Variants in CAPS2 observed in about 807,000 individuals in gnomAD.
CAPS2 encodes calcyphosine 2.
In CAPS2, 98 loss-of-function variants were observed where a neutral mutation model predicts 86.5. That is an observed-to-expected ratio of 1.13 (90% CI 0.96 to 1.34). The LOEUF (loss-of-function observed/expected upper bound fraction) is 1.34, where lower values mean the gene tolerates loss of function less well. Ranked by LOEUF, CAPS2 falls within the 40% of genes most tolerant of loss-of-function variation. The probability of loss-of-function intolerance (pLI) is 0.00; values close to 1 mark genes in which losing one functional copy is unlikely to be tolerated. For synonymous variants in CAPS2, 210 were observed against 225.1 expected (o/e 0.93, Z 0.60); for missense variants, 729 against 686.8 (o/e 1.06, Z -0.69).
At chr12:75,284,654 AATAC>A (rs1342291996) in intron 15 of CAPS2, among the ~76,000 whole-genome samples, 20 of 152,106 alleles carry the variant, frequency 1.3e-4, no homozygotes. Context: ...AATATTTTAT[AATAC>A]ATATATTCAC....
intron 1 of CAPS2, among the ~76,000 whole-genome samples, chr12:75,381,688 C>T (rs564025184): frequency 8.0e-5 from 12 of 150,672 alleles, no homozygotes; most frequent in Non-Finnish European, 1.5e-4. Flanking sequence ...AATCTCGGCC[C>T]GCTGCAACCT....
intron 1 of CAPS2, among the ~76,000 whole-genome samples, chr12:75,337,068 AAC>A (rs532647878): frequency 8.9e-4 from 135 of 151,948 alleles, no homozygotes; most frequent in South Asian, 2.3e-3. Flanking sequence ...TGTTAATGGA[AAC>A]ACAGCATATC....
chr12:75,385,087 C>T (rs1391814796), intron 1 of CAPS2, among the ~76,000 whole-genome samples: 2 of 152,180 alleles, frequency 1.3e-5, no homozygotes, highest in Non-Finnish European at 2.9e-5. Context: ...AACCTTCTTG[C>T]CATATGATGC....
intron 5 of CAPS2, among the ~76,000 whole-genome samples, chr12:75,319,321 T>C (rs571240195): frequency 1.3e-5 from 2 of 152,244 alleles, no homozygotes; most frequent in East Asian, 3.9e-4. Flanking sequence ...AATAGATCAG[T>C]GTTGTCCCCT....
chr12:75,278,757 A>G, exon 17 of CAPS2: 2 of 1,332,446 alleles, frequency 1.5e-6, no homozygotes, highest in East Asian at 5.7e-5. Flanking sequence ...ACAAAACAAA[A>G]CAAAACAAAC....
intron 7 of CAPS2, chr12:75,305,638 G>C (rs1350817308): frequency 4.8e-6 from 3 of 627,690 alleles, no homozygotes; most frequent in Non-Finnish European, 9.1e-6. Flanking sequence ...AGCAGGCCGC[G>C]GAGAAGGGCG....
chr12:75,368,128 A>G (rs2044112076), intron 1 of CAPS2, among the ~76,000 whole-genome samples: 1 of 152,054 alleles, frequency 6.6e-6, no homozygotes, highest in African/African-American at 2.4e-5. Flanking sequence ...TAAAATTTCA[A>G]AAGGTAGCAG....
chr12:75,299,080 T>C (rs905384058), intron 9 of CAPS2, 114 bp from the exon 10 acceptor site: 94 of 629,998 alleles, frequency 1.5e-4, no homozygotes, highest in Non-Finnish European at 2.0e-4. Context: ...TATGTGGCAA[T>C]GAGTGAAGGT....
At chr12:75,305,966 G>A in intron 7 of CAPS2, 3 of 1,291,516 alleles carry the variant, frequency 2.3e-6, no homozygotes, top group Non-Finnish European at 3.3e-6. Flanking sequence ...GGACAGGGTG[G>A]CTCTGAGCAA....
chr12:75,309,789 C>T (rs10735987), intron 7 of CAPS2, among the ~76,000 whole-genome samples: 147,065 of 152,284 alleles, frequency 0.97, 71,107 homozygotes, highest in East Asian at 1. Context: ...ATTTTTTAAA[C>T]CCCCAAATGA....
intron 11 of CAPS2, 128 bp downstream of exon 11, chr12:75,298,559 A>T (rs2037281972): frequency 1.5e-6 from 1 of 657,200 alleles, no homozygotes; most frequent in African/African-American, 1.8e-5. Flanking sequence ...AGCCCACACA[A>T]ATGACCCTGT....
At chr12:75,320,246 T>C (rs1020925214) in intron 5 of CAPS2, among the ~76,000 whole-genome samples, 6 of 152,078 alleles carry the variant, frequency 3.9e-5, no homozygotes, top group Non-Finnish European at 7.4e-5. Flanking sequence ...CTCATTTGAA[T>C]TTGCATTCAA....
At chr12:75,381,716 G>A (rs1566040768) in intron 1 of CAPS2, among the ~76,000 whole-genome samples, 2 of 148,970 alleles carry the variant, frequency 1.3e-5, no homozygotes, top group Non-Finnish European at 3.0e-5. Flanking sequence ...CCAGGTTCAA[G>A]CGATTCTCCT....
intron 8 of CAPS2, among the ~76,000 whole-genome samples, chr12:75,302,944 C>T (rs1385533236): frequency 6.6e-6 from 1 of 152,108 alleles, no homozygotes; most frequent in African/African-American, 2.4e-5. Context: ...TTTCAGCAAC[C>T]AGTTGGGAAA....
At chr12:75,277,082 A>C (rs2033059628), downstream of CAPS2, 1 of 978,616 alleles carries the variant, frequency 1.0e-6, no homozygotes, top group Non-Finnish European at 1.2e-6. Context: ...AAAATACACC[A>C]AAAAAAATCT....
intron 11 of CAPS2, among the ~76,000 whole-genome samples, chr12:75,296,101 T>C (rs1274364796): frequency 6.6e-6 from 1 of 152,092 alleles, no homozygotes; most frequent in Non-Finnish European, 1.5e-5. Context: ...GCAGTTTAGA[T>C]TGACTTTTTA....
chr12:75,300,645 C>A (rs1325984686), intron 8 of CAPS2, among the ~76,000 whole-genome samples: 1 of 150,146 alleles, frequency 6.7e-6, no homozygotes, highest in African/African-American at 2.5e-5. Context: ...TGCCAGTAAG[C>A]TTCCAGGAAA....
chr12:75,291,071 G>A (rs1035473363), intron 13 of CAPS2, among the ~76,000 whole-genome samples: 5 of 151,962 alleles, frequency 3.3e-5, no homozygotes, highest in African/African-American at 9.7e-5. Flanking sequence ...TTTGGAAAAT[G>A]TTTAAGTATC....
At chr12:75,288,997 A>C (rs2035382800) in intron 14 of CAPS2, among the ~76,000 whole-genome samples, 1 of 152,216 alleles carries the variant, frequency 6.6e-6, no homozygotes, top group Non-Finnish European at 1.5e-5. Flanking sequence ...TGGCCTGAAT[A>C]CTAAGAAAAC....
Sources: allele counts gnomAD v4.1 joint callset (sites outside exome capture counted in the v4.1 genomes callset), GRCh38; gene constraint gnomAD v4.1.1; transcripts MANE v1.5; gene names NCBI Gene and HGNC (gene_info 2026-07-23, HGNC 2026-07-21).